Variants in FBN1 observed in about 807,000 individuals in gnomAD.
The protein encoded by FBN1 is fibrillin-1.
Under a neutral mutation model 365.1 loss-of-function variants are expected in FBN1, and 29 were observed. The observed-to-expected ratio is 0.08, with a 90% CI of 0.06 to 0.11. The LOEUF (loss-of-function observed/expected upper bound fraction) is 0.11. FBN1 is among the 10% of genes least tolerant of loss of function. FBN1 has a pLI of 1.00. For synonymous variants in FBN1, 1,210 were observed against 1,270.5 expected (o/e 0.95, Z 1.01); for missense variants, 2,476 against 3,703.2 (o/e 0.67, Z 8.60).
chr15:48,644,591 A>T lies in FBN1; in HGVS notation c.164+15T>A. 1 of 1,613,920 alleles carries T rather than the reference A, an allele frequency of 6.2e-7. No individual in the cohort carries two copies. Among genetic ancestry groups the T allele is most frequent in the Non-Finnish European group, 8.5e-7 (1 of 1,179,896 alleles). On this transcript the variant is annotated intron_variant, in intron 2 of 65. Transcript: ENST00000316623. ...TTGGGAGACCCACACCAAAGGAGGGAACCGGTTCCTTTACCCTTTAAGCGC... is the reference window on the plus strand; with the variant it reads ...TTGGGAGACCCACACCAAAGGAGGGTACCGGTTCCTTTACCCTTTAAGCGC...
Position 48,468,400 on chromosome 15 carries a change from T to C in FBN1, c.4582+12A>G. ...GTATGCTTGCTTCTCTGAAAAGTTTTTAAGGTCTTACCAACACAGCCAACT... is the reference window on the plus strand; with the variant it reads ...GTATGCTTGCTTCTCTGAAAAGTTTCTAAGGTCTTACCAACACAGCCAACT... On this transcript the variant is annotated intron_variant, in intron 37 of 65. Transcript: ENST00000316623. The C allele has an allele frequency of 1.2e-6, 2 of 1,613,878 alleles. No individual in the cohort carries two copies. The highest frequency in any genetic ancestry group is 2.2e-5 in the South Asian group (2 of 91,084).
At position 48,485,568 on chromosome 15, in the gene FBN1, A is replaced by C. The variant is rs142951656; in HGVS notation, c.3590-72T>G. ...CTGTCCCCTCCAATACTCGTGTTGA[A>C]ATTTAACTGCCATTGTAACACTATT... On this transcript the variant is annotated intron_variant, in intron 29 of 65. Transcript: ENST00000316623. The C allele has an allele frequency of 6.4e-4, 977 of 1,533,764 alleles. 1 individual carries two copies. The highest frequency in any genetic ancestry group is 8.1e-4 in the Non-Finnish European group (900 of 1,113,632).
intron 2 of FBN1, among the ~76,000 whole-genome samples, chr15:48,632,671 C>T (rs1333746668): frequency 6.6e-6 from 1 of 152,130 alleles, no homozygotes; most frequent in Non-Finnish European, 1.5e-5. Context: ...AAAATATGGT[C>T]CCACAATCAA....
chr15:48,456,869 TGTGC>T, intron 43 of FBN1, 107 bp from the exon 44 acceptor site: 2 of 1,086,602 alleles, frequency 1.8e-6, no homozygotes, highest in Admixed American at 1.8e-5. Context: ...TGTGTGTGTG[TGTGC>T]GTGCATGTGT....
chr15:48,454,245 G>C lies in FBN1; in HGVS notation c.5423-1561C>G, dbSNP rs553473292. On this transcript the variant is annotated intron_variant, in intron 44 of 65. Coordinates refer to ENST00000316623, the MANE Select transcript of FBN1 (RefSeq NM_000138.5). ...TGCAGGTGCTCCTGGTCTGTAGAGAGTGCTTTGAGGTACAGGGCTGTAAAG... is the reference window on the plus strand; with the variant it reads ...TGCAGGTGCTCCTGGTCTGTAGAGACTGCTTTGAGGTACAGGGCTGTAAAG... 2.1e-4 allele frequency among the ~76,000 whole-genome samples: 32 copies of C among 152,310 alleles called. No homozygotes were observed. In the East Asian group the frequency reaches 6.0e-3, roughly 28 times the overall value.
intron 4 of FBN1, among the ~76,000 whole-genome samples, chr15:48,605,066 T>C (rs896005897): frequency 1.3e-5 from 2 of 152,178 alleles, no homozygotes; most frequent in African/African-American, 4.8e-5. Context: ...TATAAGGGGT[T>C]TGAAAAGTGT....
intron 8 of FBN1, among the ~76,000 whole-genome samples, chr15:48,529,916 C>T (rs1230794234): frequency 0.011 from 818 of 73,954 alleles, 5 homozygotes; most frequent in East Asian, 0.082. Flanking sequence ...ATCCGCCGCC[C>T]GATCACAACT....
chr15:48,592,392 C>A (rs1265524331), intron 6 of FBN1, among the ~76,000 whole-genome samples: 1 of 152,142 alleles, frequency 6.6e-6, no homozygotes, highest in Non-Finnish European at 1.5e-5. Context: ...TTTAAATGTG[C>A]ATTCTGAGGC....
intron 10 of FBN1, among the ~76,000 whole-genome samples, chr15:48,519,149 T>C (rs979658357): frequency 6.6e-6 from 1 of 152,212 alleles, no homozygotes; most frequent in Non-Finnish European, 1.5e-5. Context: ...CATGTCTTAG[T>C]AGGAAGTCAT....
intron 4 of FBN1, among the ~76,000 whole-genome samples, chr15:48,604,131 C>T (rs571109116): frequency 2.7e-4 from 40 of 148,326 alleles, no homozygotes; most frequent in African/African-American, 9.8e-4. Flanking sequence ...AATGTGAGCA[C>T]GCTATGGGAA....
chr15:48,424,619 T>C (rs553440480), intron 60 of FBN1, among the ~76,000 whole-genome samples: 5 of 152,380 alleles, frequency 3.3e-5, no homozygotes, highest in African/African-American at 1.2e-4. Context: ...TCCTTCAAAG[T>C]TTCATGGCAT....
At chr15:48,429,040 C>T (rs2043005297) in intron 56 of FBN1, among the ~76,000 whole-genome samples, 1 of 152,134 alleles carries the variant, frequency 6.6e-6, no homozygotes, top group Non-Finnish European at 1.5e-5. Context: ...CACTTCAGAT[C>T]TTTTAAAAGC....
chr15:48,444,690 G>T (rs2043140535), intron 48 of FBN1, 30 bp from the exon 49 acceptor site: 2 of 1,611,694 alleles, frequency 1.2e-6, no homozygotes, highest in Non-Finnish European at 1.7e-6. Context: ...ATAAGGAAGA[G>T]GTTCCCACTG....
intron 15 of FBN1, among the ~76,000 whole-genome samples, chr15:48,505,600 C>T (rs2043701728): frequency 6.6e-6 from 1 of 152,172 alleles, no homozygotes; most frequent in Non-Finnish European, 1.5e-5. Flanking sequence ...CATGTCTTGG[C>T]TCTCTGGGAA....
chr15:48,435,458 T>G (rs1342794754), intron 53 of FBN1, among the ~76,000 whole-genome samples: 1 of 151,840 alleles, frequency 6.6e-6, no homozygotes, highest in African/African-American at 2.4e-5. Flanking sequence ...AGATATAAAA[T>G]AAAAGACTAA....
At chr15:48,430,926 G>T in intron 55 of FBN1, 124 bp from the exon 56 acceptor site, 1 of 880,078 alleles carries the variant, frequency 1.1e-6, no homozygotes, top group Non-Finnish European at 1.8e-6. Context: ...ACTACTGGCT[G>T]TATTTCCTTC....
chr15:48,592,270 A>T (rs557215395), intron 6 of FBN1, among the ~76,000 whole-genome samples: 3 of 151,926 alleles, frequency 2.0e-5, no homozygotes, highest in African/African-American at 7.2e-5. Context: ...CCCCACCCCC[A>T]TCTCCAAGTT....
At chr15:48,525,653 C>A (rs754503833) in intron 9 of FBN1, among the ~76,000 whole-genome samples, 2 of 152,084 alleles carry the variant, frequency 1.3e-5, no homozygotes, top group African/African-American at 4.8e-5. Flanking sequence ...GGAAAACTAC[C>A]GAGGGTTTGA....
At chr15:48,626,151 G>A (rs764884489) in intron 2 of FBN1, among the ~76,000 whole-genome samples, 32 of 151,996 alleles carry the variant, frequency 2.1e-4, no homozygotes, top group Middle Eastern at 3.4e-3. Flanking sequence ...CCAGCTACTT[G>A]GAAGGCTGAG....
Sources: gnomAD v4.1 joint callset for allele counts (sites outside exome capture counted in the v4.1 genomes callset) on GRCh38, gnomAD v4.1.1 for gene constraint, MANE v1.5 for transcripts, NCBI Gene and HGNC (gene_info 2026-07-23, HGNC 2026-07-21) for gene names.